The following CSMD1 variants were observed in gnomAD, a reference collection of about 807,000 sequenced individuals.
CSMD1 encodes CUB and Sushi multiple domains 1, also known as CUB and sushi domain-containing protein 1.
Under a neutral mutation model 417.5 loss-of-function variants are expected in CSMD1, and 213 were observed. The ratio of observed to expected loss-of-function variants is 0.51; its 90% CI spans 0.46 to 0.57. The LOEUF (loss-of-function observed/expected upper bound fraction) is 0.57. CSMD1 is among the 20% of genes least tolerant of loss of function. The pLI is 0.00. For missense variants in CSMD1, 6,923 were observed against 4,529.7 expected, an observed-to-expected ratio of 1.53 and a Z score of -15.17; for synonymous variants, 2,862 against 1,736.8, an observed-to-expected ratio of 1.65 and a Z score of -16.11.
At chr8:3,956,867 G>T (rs1440763623) in intron 5 of CSMD1, among the ~76,000 whole-genome samples, 7 of 152,172 alleles carry the variant, frequency 4.6e-5, no homozygotes, top group Non-Finnish European at 1.5e-5. Flanking sequence ...GAACTCCTTG[G>T]AATGCTGCAA....
intron 2 of CSMD1, among the ~76,000 whole-genome samples, chr8:4,532,888 G>A (rs759148228): frequency 1.3e-5 from 2 of 149,986 alleles, no homozygotes; most frequent in Non-Finnish European, 3.0e-5. Context: ...GAGAAATCCT[G>A]CACCCCCATT....
chr8:4,459,672 G>T (rs532608500), intron 2 of CSMD1, among the ~76,000 whole-genome samples: 2 of 152,306 alleles, frequency 1.3e-5, no homozygotes, highest in East Asian at 1.9e-4. Flanking sequence ...CTCCTGCAAA[G>T]AAGTGTGGAC....
At chr8:4,949,847 G>C (rs895642613) in intron 1 of CSMD1, among the ~76,000 whole-genome samples, 1 of 152,128 alleles carries the variant, frequency 6.6e-6, no homozygotes, top group African/African-American at 2.4e-5. Context: ...TATATAGAGA[G>C]AATATATAAG....
intron 9 of CSMD1, among the ~76,000 whole-genome samples, chr8:3,584,815 A>G (rs1800528981): frequency 6.6e-6 from 1 of 152,206 alleles, no homozygotes; most frequent in Admixed American, 6.5e-5. Flanking sequence ...AGGAAAAATA[A>G]TCCATGTGAC....
intron 7 of CSMD1, among the ~76,000 whole-genome samples, chr8:3,664,453 G>C (rs1798578616): frequency 6.6e-6 from 1 of 152,190 alleles, no homozygotes; most frequent in Non-Finnish European, 1.5e-5. Flanking sequence ...AATGGAAATT[G>C]CTCAGAAAGC....
At chr8:3,942,288 C>T (rs780945804) in intron 5 of CSMD1, among the ~76,000 whole-genome samples, 4 of 152,080 alleles carry the variant, frequency 2.6e-5, no homozygotes, top group Non-Finnish European at 4.4e-5. Context: ...TTGAATCATC[C>T]TGAAACCAAT....
chr8:3,184,488 T>C (rs1447289874), intron 36 of CSMD1, among the ~76,000 whole-genome samples: 2 of 152,174 alleles, frequency 1.3e-5, no homozygotes, highest in Admixed American at 6.5e-5. Context: ...TCAGTTCTGC[T>C]CTTATCACAT....
intron 3 of CSMD1, among the ~76,000 whole-genome samples, chr8:4,418,547 G>T (rs746642101): frequency 1.3e-5 from 2 of 152,156 alleles, no homozygotes; most frequent in African/African-American, 4.8e-5. Context: ...TTTCTAAAAT[G>T]TGGAAGCATT....
chr8:3,501,569 G>T (rs960874475), intron 10 of CSMD1, among the ~76,000 whole-genome samples: 3 of 152,096 alleles, frequency 2.0e-5, no homozygotes, highest in Admixed American at 2.0e-4. Flanking sequence ...AAATTAATGG[G>T]TTAGAAATGA....
intron 5 of CSMD1, among the ~76,000 whole-genome samples, chr8:3,818,924 A>G (rs970016752): frequency 6.6e-6 from 1 of 152,034 alleles, no homozygotes; most frequent in African/African-American, 2.4e-5. Context: ...GCCCACACTC[A>G]CTCACACTCA....
In CSMD1 at chr8:3,305,384, T is replaced by G. The variant is rs901272501; in HGVS notation, c.3950+2311A>C. 2.0e-5 allele frequency among the ~76,000 whole-genome samples: 3 copies of G among 152,036 alleles called. No individual in the cohort carries two copies. The South Asian group carries it at 6.2e-4, about 32-fold the overall frequency. ...TTACTGTCTCCACCAAAACTCATGT[T>G]GAAATTTAATTGCCATTGTAGCCAT... On this transcript the variant is annotated intron_variant, in intron 25 of 69. Transcript: ENST00000635120.
intron 5 of CSMD1, among the ~76,000 whole-genome samples, chr8:3,996,185 T>C (rs941664427): frequency 6.9e-6 from 1 of 144,300 alleles, no homozygotes; most frequent in Non-Finnish European, 1.6e-5. Flanking sequence ...CCTCACTTGC[T>C]TCTACCTCTC....
In CSMD1 at chr8:3,035,017, T is replaced by C. The variant is rs192832561; in HGVS notation, c.7661-5504A>G. Reference sequence around the variant, plus strand: ...CCCTAACACTCAAAGGCAGTTGCAGTAAACATGCACGCCTCCCCTAAGACT... The same window carrying C: ...CCCTAACACTCAAAGGCAGTTGCAGCAAACATGCACGCCTCCCCTAAGACT... On this transcript the variant is annotated intron_variant, in intron 50 of 69. Transcript: ENST00000635120. Among the ~76,000 whole-genome samples, 229 of 151,546 alleles carry C rather than the reference T, an allele frequency of 1.5e-3. 4 individuals are homozygous for C. The highest frequency in any genetic ancestry group is 1.6e-3 in the Non-Finnish European group (106 of 67,446).
chr8:3,283,542 A>T (rs1802903492), intron 26 of CSMD1, among the ~76,000 whole-genome samples: 1 of 152,178 alleles, frequency 6.6e-6, no homozygotes, highest in Non-Finnish European at 1.5e-5. Flanking sequence ...CAGTGTTCAG[A>T]ACCACTCCAA....
chr8:3,625,026 A>C (rs1253059758), intron 7 of CSMD1, among the ~76,000 whole-genome samples: 3 of 152,156 alleles, frequency 2.0e-5, no homozygotes, highest in African/African-American at 7.2e-5. Flanking sequence ...TAAGAGGATA[A>C]TTTTGATTTA....
At chr8:3,889,808 G>A (rs932725303) in intron 5 of CSMD1, among the ~76,000 whole-genome samples, 13 of 152,016 alleles carry the variant, frequency 8.6e-5, no homozygotes, top group Admixed American at 3.3e-4. Context: ...CTCTTCTGTT[G>A]CAAATTCTTT....
intron 2 of CSMD1, among the ~76,000 whole-genome samples, chr8:4,420,399 G>C (rs1430124223): frequency 6.6e-6 from 1 of 151,696 alleles, no homozygotes; most frequent in Admixed American, 6.6e-5. Flanking sequence ...TAAGTTATAG[G>C]GTACATGTGC....
intron 5 of CSMD1, among the ~76,000 whole-genome samples, chr8:3,936,118 A>C (rs1810473286): frequency 6.6e-6 from 1 of 152,044 alleles, no homozygotes; most frequent in East Asian, 1.9e-4. Context: ...CTCTGAAGGT[A>C]GAGAGAAGTA....
At chr8:4,205,988 G>A (rs1385511702) in intron 3 of CSMD1, among the ~76,000 whole-genome samples, 1 of 152,028 alleles carries the variant, frequency 6.6e-6, no homozygotes, top group Non-Finnish European at 1.5e-5. Flanking sequence ...CTCTACTTCA[G>A]GAATTTTCTT....
Sources: gnomAD v4.1 joint callset for allele counts (sites outside exome capture counted in the v4.1 genomes callset) on GRCh38, gnomAD v4.1.1 for gene constraint, MANE v1.5 for transcripts, NCBI Gene and HGNC (gene_info 2026-07-23, HGNC 2026-07-21) for gene names.